The following GALNT10 variants were observed in gnomAD, a reference collection of about 807,000 sequenced individuals.
GALNT10 encodes GalNAc transferase 10.
GALNT10 carries 41 observed loss-of-function variants against 75.0 expected under a neutral mutation model. That is an observed-to-expected ratio of 0.55 (90% CI 0.43 to 0.71). The LOEUF is 0.71. GALNT10 is among the 30% of genes least tolerant of loss of function. The pLI is 0.00. For synonymous variants in GALNT10, 302 were observed against 313.0 expected (o/e 0.96, Z 0.37); for missense variants, 727 against 818.5 (o/e 0.89, Z 1.36).
chr5:154,370,943 A>G (rs1003156871), intron 4 of GALNT10, among the ~76,000 whole-genome samples: 1 of 152,200 alleles, frequency 6.6e-6, no homozygotes, highest in Admixed American at 6.5e-5. Flanking sequence ...TCACAGTGCC[A>G]GTGTGTGAGA....
At chr5:154,309,195 G>A (rs756380488) in intron 3 of GALNT10, among the ~76,000 whole-genome samples, 1 of 152,174 alleles carries the variant, frequency 6.6e-6, no homozygotes, top group Admixed American at 6.5e-5. Flanking sequence ...CAGGGGAAGA[G>A]CACTGCAGGC....
At chr5:154,224,663 CAGTCATT>C (rs1753033323) in intron 1 of GALNT10, among the ~76,000 whole-genome samples, 1 of 152,058 alleles carries the variant, frequency 6.6e-6, no homozygotes, top group Non-Finnish European at 1.5e-5. Context: ...ATTCTATAAA[CAGTCATT>C]TGATATTTAT....
chr5:154,217,905 T>C (rs1752908389), intron 1 of GALNT10: 1 of 607,444 alleles, frequency 1.6e-6, no homozygotes, highest in Admixed American at 6.3e-5. Context: ...GAGAGACTGT[T>C]GTACTTTCTA....
At chr5:154,299,066 T>C (rs1236822741) in intron 3 of GALNT10, among the ~76,000 whole-genome samples, 4 of 152,208 alleles carry the variant, frequency 2.6e-5, no homozygotes, top group Non-Finnish European at 5.9e-5. Context: ...ACTAACAAAA[T>C]AGAGCCCAGG....
intron 1 of GALNT10, among the ~76,000 whole-genome samples, chr5:154,268,265 T>C (rs1472895686): frequency 6.6e-6 from 1 of 152,164 alleles, no homozygotes; most frequent in Non-Finnish European, 1.5e-5. Context: ...GCACAGTCCA[T>C]TGACACTGAA....
At chr5:154,270,241 G>GT (rs1427999951) in intron 1 of GALNT10, among the ~76,000 whole-genome samples, 3 of 149,914 alleles carry the variant, frequency 2.0e-5, no homozygotes, top group Non-Finnish European at 4.4e-5. Flanking sequence ...ATTTCCTGCG[G>GT]TGTGCCCTGA....
chr5:154,414,175 G>A (rs752439187), intron 10 of GALNT10, among the ~76,000 whole-genome samples: 7 of 152,210 alleles, frequency 4.6e-5, no homozygotes, highest in Non-Finnish European at 7.3e-5. Context: ...CTGCTGGTGG[G>A]AGTGTAAATG....
At chr5:154,338,270 T>TTCCC (rs1754974502) in intron 4 of GALNT10, 9 of 676,986 alleles carry the variant, frequency 1.3e-5, no homozygotes, top group Non-Finnish European at 1.9e-5. Flanking sequence ...GCCCCTGGAG[T>TTCCC]GCTTGGTGCT....
chr5:154,366,506 A>T (rs2113161305), intron 4 of GALNT10, among the ~76,000 whole-genome samples: 1 of 152,222 alleles, frequency 6.6e-6, no homozygotes, highest in East Asian at 1.9e-4. Context: ...CGGATGTTGG[A>T]GCTATGTTGG....
chr5:154,367,513 C>T (rs1755494673), intron 4 of GALNT10, among the ~76,000 whole-genome samples: 2 of 152,076 alleles, frequency 1.3e-5, no homozygotes, highest in South Asian at 2.1e-4. Context: ...CCCACCCGCT[C>T]GCAGGTTTGC....
rs1756410266 is a variant in GALNT10 at position 154,412,135 on chromosome 5, T to C, written c.1387-754T>C. ...AATGAGACTCTCTGCAACAGGAAAT[T>C]GGGTGGTGCATTTTCATAGCCACCA... is the stretch of plus-strand genomic sequence containing the variant. On this transcript the variant is annotated intron_variant, in intron 9 of 11. Coordinates refer to ENST00000297107, the MANE Select transcript of GALNT10 (RefSeq NM_198321.4). This position sits in a 1 kb window ranked among gnomAD's most constrained non-coding sequence, Gnocchi z 4.2. Among the ~76,000 whole-genome samples the C allele has an allele frequency of 6.6e-6, 1 of 152,174 alleles. No homozygotes were observed. Among genetic ancestry groups the C allele is most frequent in the African/African-American group, 2.4e-5 (1 of 41,436 alleles).
At position 154,364,661 on chromosome 5, in the gene GALNT10, T is replaced by C. The variant is rs143805492; in HGVS notation, c.569-11616T>C. On this transcript the variant is annotated intron_variant, in intron 4 of 11. Transcript: ENST00000297107. Reference sequence around the variant, plus strand: ...AAATATGAAACTGACAGGCCAACACTGTTGCTGAAGTGGAAGGATTTTTTT... The same window carrying C: ...AAATATGAAACTGACAGGCCAACACCGTTGCTGAAGTGGAAGGATTTTTTT... Among the ~76,000 whole-genome samples, 783 of 152,246 alleles carry C rather than the reference T, an allele frequency of 5.1e-3. 3 individuals are homozygous for C. The highest frequency in any genetic ancestry group is 7.7e-3 in the Non-Finnish European group (527 of 68,026).
At chr5:154,216,143 A>G (rs1752868975) in intron 1 of GALNT10, among the ~76,000 whole-genome samples, 1 of 152,134 alleles carries the variant, frequency 6.6e-6, no homozygotes, top group South Asian at 2.1e-4. Context: ...GATCTTGGAG[A>G]TCATCCCAGC....
intron 1 of GALNT10, among the ~76,000 whole-genome samples, chr5:154,264,890 C>T (rs367920701): frequency 1.4e-4 from 22 of 152,316 alleles, no homozygotes; most frequent in Admixed American, 7.8e-4. Context: ...ACTGTGGGCT[C>T]TTCATGCCAA....
At chr5:154,303,610 G>C (rs960419051) in intron 3 of GALNT10, among the ~76,000 whole-genome samples, 3 of 152,212 alleles carry the variant, frequency 2.0e-5, no homozygotes, top group African/African-American at 7.2e-5. Flanking sequence ...GGGGAATCAG[G>C]TAGAGTACTT....
chr5:154,232,750 G>A (rs1031775118), intron 1 of GALNT10, among the ~76,000 whole-genome samples: 8 of 152,154 alleles, frequency 5.3e-5, no homozygotes, highest in African/African-American at 1.7e-4. Flanking sequence ...CAGGAGCATC[G>A]TGACAAGTAA....
chr5:154,273,246 A>C (rs1233602723), intron 1 of GALNT10, among the ~76,000 whole-genome samples: 6 of 152,146 alleles, frequency 3.9e-5, no homozygotes, highest in Admixed American at 3.3e-4. Context: ...TTACTTGCTG[A>C]GCATGCAGTT....
chr5:154,225,225 T>C (rs938331675), intron 1 of GALNT10, among the ~76,000 whole-genome samples: 2 of 151,988 alleles, frequency 1.3e-5, no homozygotes, highest in Non-Finnish European at 2.9e-5. Context: ...CCCAAGTAGC[T>C]GGGACTACAG....
intron 1 of GALNT10, among the ~76,000 whole-genome samples, chr5:154,274,742 T>C (rs978329072): frequency 6.6e-6 from 1 of 152,238 alleles, no homozygotes; most frequent in Admixed American, 6.5e-5. Flanking sequence ...TGTTTGTTTA[T>C]CTAATGTAAT....
Sources: allele counts gnomAD v4.1 joint callset (sites outside exome capture counted in the v4.1 genomes callset), GRCh38; gene constraint gnomAD v4.1.1; non-coding constraint Gnocchi (gnomAD v3.1); transcripts MANE v1.5; gene names NCBI Gene and HGNC (gene_info 2026-07-23, HGNC 2026-07-21).